SLC20A1: variants seen among roughly 807,000 people sequenced by gnomAD.
SLC20A1 encodes the protein sodium-dependent phosphate transporter 1.
In SLC20A1, 28 loss-of-function variants were observed where a neutral mutation model predicts 62.7. The ratio of observed to expected loss-of-function variants is 0.45; its 90% CI spans 0.33 to 0.61. SLC20A1 has a LOEUF of 0.61. Ranked by LOEUF, SLC20A1 falls within the 20% of genes least tolerant of loss-of-function variation. SLC20A1 has a pLI of 0.02. For synonymous variants in SLC20A1, 305 were observed against 302.9 expected, an observed-to-expected ratio of 1.01 and a Z score of -0.07; for missense variants, 673 against 838.6, an observed-to-expected ratio of 0.80 and a Z score of 2.44.
At chr2:112,658,044 G>A (rs1044447082) in intron 6 of SLC20A1, among the ~76,000 whole-genome samples, 4 of 152,256 alleles carry the variant, frequency 2.6e-5, no homozygotes, top group Admixed American at 6.5e-5. Flanking sequence ...CTGCGTCACC[G>A]CAGCTGAACC....
chr2:112,647,624 A>G, intron 3 of SLC20A1, 29 bp from the exon 4 acceptor site: 1 of 1,598,408 alleles, frequency 6.3e-7, no homozygotes, highest in Non-Finnish European at 8.6e-7. Context: ...TCATTATTTG[A>G]TATTTTTTCT....
chr2:112,656,052 G>A (rs545839383), intron 5 of SLC20A1, among the ~76,000 whole-genome samples: 5 of 151,976 alleles, frequency 3.3e-5, no homozygotes, highest in South Asian at 2.1e-4. Flanking sequence ...GCCTACTGGC[G>A]TGCATATGAC....
chr2:112,663,388 G>GTTTGACAGA lies in SLC20A1; in HGVS notation c.*364_*372dup. The GTTTGACAGA allele has an allele frequency of 2.9e-6, 1 of 349,924 alleles. No homozygotes were observed. The highest frequency in any genetic ancestry group is 5.5e-6 in the Non-Finnish European group (1 of 181,798). The allele number at this position is 349,924 out of a possible 1,614,324, so 21.7% of individuals were successfully genotyped here. ...TCTTTTTTTTAAACCATGAAGAGCC[G>GTTTGACAGA]TTTGACAGAGCATGCTCTGCGTTGT... On this transcript the variant is annotated 3_prime_UTR_variant, in exon 11 of 11. Transcript: ENST00000272542.
chr2:112,648,668 C>T (rs1686348011), intron 4 of SLC20A1, among the ~76,000 whole-genome samples: 1 of 152,226 alleles, frequency 6.6e-6, no homozygotes, highest in African/African-American at 2.4e-5. Context: ...ATTCACTAAT[C>T]ACTGTTTTCC....
rs754567156 is a variant in SLC20A1, at chr2:112,657,266, A to G, written c.778+25A>G. The G allele has an allele frequency of 5.0e-5, 80 of 1,602,588 alleles. No individual in the cohort carries two copies. The East Asian group carries it at 1.8e-3, about 35-fold the overall frequency. ...CGTAAGTAATAACTAAACAGCAGAA[A>G]AGTTTAACTACTAATGTTGTGTTTA... On this transcript the variant is annotated intron_variant, in intron 6 of 10. Transcript: ENST00000272542.
chr2:112,650,771 G>C (rs1034070462), intron 4 of SLC20A1, among the ~76,000 whole-genome samples: 4 of 152,080 alleles, frequency 2.6e-5, no homozygotes, highest in Admixed American at 6.5e-5. Flanking sequence ...CTATGGGTGT[G>C]TGCCACCACA....
rs763783121 is a variant in SLC20A1, at chr2:112,659,043, C to T, written c.997C>T (p.Leu333Phe). Residue 333 changes from leucine to phenylalanine, a missense_variant, in exon 7 of 11, where the codon CTT (leucine) becomes TTT (phenylalanine). Leu to Phe is a conservative substitution (Grantham distance 22). Transcript: ENST00000272542. ...GGAGGAAGCTCCAGAGAGAGAGAGG[C>T]TTCCCAGCGTGGACTTGAAAGAGGA... is the stretch of plus-strand genomic sequence containing the variant. ...DLEEAPERER[L>F]PSVDLKEETS... The T allele has an allele frequency of 5.0e-6, 8 of 1,614,062 alleles. No individual in the cohort carries two copies. Among genetic ancestry groups the T allele is most frequent in the Non-Finnish European group, 5.9e-6 (7 of 1,180,000 alleles).
chr2:112,648,456 G>T (rs1351871311), intron 4 of SLC20A1, among the ~76,000 whole-genome samples: 1 of 152,188 alleles, frequency 6.6e-6, no homozygotes, highest in South Asian at 2.1e-4. Flanking sequence ...AGGAAACAAA[G>T]TTGTCCTTTT....
rs999893094 is a variant in SLC20A1 at position 112,663,751 on chromosome 2, A to C, written c.*726A>C. Reference sequence around the variant, plus strand: ...TGAAGTGGAATGTGAACTTTGGGCAAGTTAAGTGGGACAGCCTTCCATGTT... The same window carrying C: ...TGAAGTGGAATGTGAACTTTGGGCACGTTAAGTGGGACAGCCTTCCATGTT... On this transcript the variant is annotated 3_prime_UTR_variant, in exon 11 of 11. Coordinates refer to ENST00000272542, the MANE Select transcript of SLC20A1 (RefSeq NM_005415.5). The C allele has an allele frequency of 8.5e-5, 13 of 153,068 alleles. No homozygotes were observed. Among genetic ancestry groups the C allele is most frequent in the African/African-American group, 3.1e-4 (13 of 41,458 alleles). 9.5% of individuals were successfully genotyped at this position (153,068 alleles called of 1,614,324 possible).
intron 4 of SLC20A1, among the ~76,000 whole-genome samples, chr2:112,650,242 T>G (rs575528683): frequency 3.9e-5 from 6 of 152,174 alleles, no homozygotes. Context: ...TTACGAAATA[T>G]CTTTGAAAAT....
chr2:112,653,185 A>G, intron 5 of SLC20A1: 1 of 298,772 alleles, frequency 3.3e-6, no homozygotes, highest in South Asian at 3.3e-5. Context: ...GGATATTCTC[A>G]TTTTTCTCTC....
In SLC20A1 at chr2:112,663,380, G is replaced by A. The variant is rs1185745617; in HGVS notation, c.*355G>A. The A allele has an allele frequency of 2.8e-6, 1 of 353,380 alleles. No homozygotes were observed. Among genetic ancestry groups the A allele is most frequent in the Non-Finnish European group, 5.5e-6 (1 of 183,454 alleles). 21.9% of individuals were successfully genotyped at this position (353,380 alleles called of 1,614,324 possible). On this transcript the variant is annotated 3_prime_UTR_variant, in exon 11 of 11. Transcript: ENST00000272542. ...TTTTTTTTTCTTTTTTTTAAACCATGAAGAGCCGTTTGACAGAGCATGCTC... is the reference window on the plus strand; with the variant it reads ...TTTTTTTTTCTTTTTTTTAAACCATAAAGAGCCGTTTGACAGAGCATGCTC...
chr2:112,660,347 C>T (rs771820122), intron 8 of SLC20A1, 40 bp from the exon 9 acceptor site: 2 of 1,578,766 alleles, frequency 1.3e-6, no homozygotes, highest in Admixed American at 3.4e-5. Flanking sequence ...AGATCTAGTT[C>T]TGCCTGAAAA....
chr2:112,657,282 G>A, intron 6 of SLC20A1, 41 bp downstream of exon 6: 1 of 1,573,972 alleles, frequency 6.4e-7, no homozygotes, highest in Non-Finnish European at 8.6e-7. Context: ...AACTACTAAT[G>A]TTGTGTTTAT....
chr2:112,656,415 G>A (rs1038489419), intron 5 of SLC20A1, among the ~76,000 whole-genome samples: 9 of 151,720 alleles, frequency 5.9e-5, no homozygotes, highest in Non-Finnish European at 1.3e-4. Flanking sequence ...TGGGCAGGCT[G>A]GTCTCGAACT....
In SLC20A1 at chr2:112,663,377, C is replaced by A; in HGVS notation, c.*352C>A. 2.8e-6 allele frequency: 1 copy of A among 354,136 alleles called. No homozygotes were observed. Among genetic ancestry groups the A allele is most frequent in the Non-Finnish European group, 5.4e-6 (1 of 183,750 alleles). 21.9% of individuals were successfully genotyped at this position (354,136 alleles called of 1,614,324 possible). On this transcript the variant is annotated 3_prime_UTR_variant, in exon 11 of 11. Transcript: ENST00000272542. ...TGATTTTTTTTTCTTTTTTTTAAAC[C>A]ATGAAGAGCCGTTTGACAGAGCATG...
Position 112,663,046 on chromosome 2 carries a change from TG to T in SLC20A1, c.*22del. 1 of 1,613,552 alleles carries T rather than the reference TG, an allele frequency of 6.2e-7. No individual in the cohort carries two copies. The highest frequency in any genetic ancestry group is 8.5e-7 in the Non-Finnish European group (1 of 1,179,556). On this transcript the variant is annotated 3_prime_UTR_variant, in exon 11 of 11. Coordinates refer to ENST00000272542, the MANE Select transcript of SLC20A1 (RefSeq NM_005415.5). ...TGTGAAGCTGTTTGAGATTAAAATT[TG>T]TGTCAATGTTTGGGACCATCTTAGG...
At position 112,660,572 on chromosome 2, in the gene SLC20A1, G is replaced by C. The variant is rs1388871873; in HGVS notation, c.1793G>C (p.Ser598Thr). The change falls in exon 9 of 11, where the codon AGT (serine) becomes ACT (threonine). Residue 598 changes from serine (S) to threonine (T), a missense_variant and splice_region_variant. By Grantham distance (58) the Ser-to-Thr change is moderately conservative. Coordinates refer to ENST00000272542, the MANE Select transcript of SLC20A1 (RefSeq NM_005415.5). Reference sequence around the variant, plus strand: ...GATCTGACACCGATCACACCCTCTAGGTAAGTAGGTGGAGCAGGTTCTACA... The same window carrying C: ...GATCTGACACCGATCACACCCTCTACGTAAGTAGGTGGAGCAGGTTCTACA... ...GKDLTPITPS[S>T]GFSIELASAL... 1 of 1,611,334 alleles carries C rather than the reference G, an allele frequency of 6.2e-7. No individual in the cohort carries two copies. Among genetic ancestry groups the C allele is most frequent in the East Asian group, 2.2e-5 (1 of 44,864 alleles).
intron 4 of SLC20A1, 111 bp downstream of exon 4, chr2:112,647,849 A>G: frequency 3.5e-6 from 3 of 852,890 alleles, no homozygotes; most frequent in Non-Finnish European, 5.8e-6. Flanking sequence ...GCCTTGGAAA[A>G]TTTTAAAAAG....
Sources: gnomAD v4.1 joint callset for allele counts (sites outside exome capture counted in the v4.1 genomes callset) on GRCh38, gnomAD v4.1.1 for gene constraint, MANE v1.5 for transcripts, NCBI Gene and HGNC (gene_info 2026-07-23, HGNC 2026-07-21) for gene names.